The following NOS1 variants were observed in gnomAD, a reference collection of about 807,000 sequenced individuals.
The protein encoded by NOS1 is NOS type I.
In NOS1, 51 loss-of-function variants were observed where a neutral mutation model predicts 164.5. The ratio of observed to expected loss-of-function variants is 0.31; its 90% CI spans 0.25 to 0.39. NOS1 has a LOEUF of 0.39. Among genes scored for constraint, NOS1 ranks in the 10% least tolerant of loss-of-function variants. The pLI is 1.00. For missense variants in NOS1, 1,362 were observed against 1,885.6 expected (o/e 0.72, Z 5.14); for synonymous variants, 719 against 745.8 (o/e 0.96, Z 0.59).
intron 21 of NOS1, among the ~76,000 whole-genome samples, chr12:117,233,235 G>A (rs1282012523): frequency 1.3e-5 from 2 of 151,638 alleles, no homozygotes; most frequent in Non-Finnish European, 2.9e-5. Flanking sequence ...TTTTAGTAGA[G>A]ATGGCATTTC....
intron 7 of NOS1, among the ~76,000 whole-genome samples, chr12:117,283,274 C>A (rs1165977811): frequency 6.6e-6 from 1 of 152,048 alleles, no homozygotes; most frequent in African/African-American, 2.4e-5. Context: ...ATTGCCCAGG[C>A]TGGTCTCAAA....
At chr12:117,325,978 G>A (rs559909202) in intron 2 of NOS1, among the ~76,000 whole-genome samples, 23 of 152,312 alleles carry the variant, frequency 1.5e-4, no homozygotes, top group South Asian at 6.2e-4. Context: ...TATGAAGTGC[G>A]AGTAGCACTT....
chr12:117,257,961 C>T (rs552928752), intron 16 of NOS1, among the ~76,000 whole-genome samples: 29 of 152,106 alleles, frequency 1.9e-4, no homozygotes, highest in African/African-American at 5.3e-4. Flanking sequence ...TGCGCCACCA[C>T]GCCCGCCTAA....
intron 9 of NOS1, among the ~76,000 whole-genome samples, chr12:117,274,769 C>CAAAAAAAAA (rs71099039): frequency 1.3e-5 from 1 of 76,990 alleles, no homozygotes; most frequent in African/African-American, 5.6e-5. Flanking sequence ...CTCCGTCTCA[C>CAAAAAAAAA]AAAAAAAAAA....
At chr12:117,308,402 G>A (rs775442628) in intron 3 of NOS1, among the ~76,000 whole-genome samples, 22 of 151,998 alleles carry the variant, frequency 1.4e-4, no homozygotes, top group Non-Finnish European at 2.2e-4. Context: ...CTAGTTACTC[G>A]GGATGCTGCA....
chr12:117,240,441 T>C (rs1870072275), intron 20 of NOS1, among the ~76,000 whole-genome samples: 1 of 152,210 alleles, frequency 6.6e-6, no homozygotes, highest in Non-Finnish European at 1.5e-5. Flanking sequence ...TGGGACTCTA[T>C]GATATGCTAG....
intron 17 of NOS1, among the ~76,000 whole-genome samples, chr12:117,251,927 T>C (rs540940412): frequency 1.4e-5 from 2 of 145,424 alleles, no homozygotes; most frequent in African/African-American, 5.1e-5. Flanking sequence ...GAAACAGGGT[T>C]TTGCTATGTT....
chr12:117,294,460 C>A (rs566891641), intron 3 of NOS1, among the ~76,000 whole-genome samples: 1 of 152,170 alleles, frequency 6.6e-6, no homozygotes, highest in Non-Finnish European at 1.5e-5. Flanking sequence ...TGCCACCCTC[C>A]GCCCTGGGTT....
intron 1 of NOS1, among the ~76,000 whole-genome samples, chr12:117,359,297 G>A (rs928259752): frequency 6.6e-6 from 1 of 152,230 alleles, no homozygotes; most frequent in Non-Finnish European, 1.5e-5. Flanking sequence ...GGCGGAGAAT[G>A]GACGCGACCC....
At chr12:117,258,817 C>T (rs1871664772) in intron 15 of NOS1, among the ~76,000 whole-genome samples, 1 of 152,314 alleles carries the variant, frequency 6.6e-6, no homozygotes, top group Admixed American at 6.5e-5. Flanking sequence ...ATATTTTCAC[C>T]AGGGACTTGC....
chr12:117,259,176 G>A (rs771456559), intron 14 of NOS1, 46 bp from the exon 15 acceptor site: 1 of 1,307,692 alleles, frequency 7.6e-7, no homozygotes, highest in Non-Finnish European at 1.1e-6. Context: ...GGAAGAAGGG[G>A]ATGAGGAGAG....
intron 27 of NOS1, among the ~76,000 whole-genome samples, chr12:117,219,728 G>A (rs1956670857): frequency 6.6e-6 from 1 of 152,214 alleles, no homozygotes; most frequent in African/African-American, 2.4e-5. Context: ...ATCTCTTTGT[G>A]CAGTGCCCAA....
intron 10 of NOS1, among the ~76,000 whole-genome samples, chr12:117,270,432 C>G (rs1006244045): frequency 4.6e-5 from 7 of 151,962 alleles, no homozygotes; most frequent in Non-Finnish European, 2.9e-5. Context: ...CTCTTTGAGG[C>G]TGAGGCATTA....
chr12:117,220,540 T>C (rs1956686747), intron 26 of NOS1, among the ~76,000 whole-genome samples: 1 of 152,074 alleles, frequency 6.6e-6, no homozygotes, highest in African/African-American at 2.4e-5. Flanking sequence ...CTGGATAGAC[T>C]GTTTCCCAGA....
intron 6 of NOS1, 24 bp downstream of exon 6, chr12:117,286,080 A>G: frequency 6.2e-7 from 1 of 1,613,158 alleles, no homozygotes; most frequent in Non-Finnish European, 8.5e-7. Flanking sequence ...AGGGCTCTTC[A>G]AGGTATCTGA....
At chr12:117,326,035 C>G (rs1875227853) in intron 2 of NOS1, among the ~76,000 whole-genome samples, 1 of 152,142 alleles carries the variant, frequency 6.6e-6, no homozygotes, top group Non-Finnish European at 1.5e-5. Context: ...GACATTTAAA[C>G]TGCTATCCAT....
In NOS1 at chr12:117,272,810, GTT is replaced by G. The variant is rs1872892222; in HGVS notation, c.1665-253_1665-252del. Among the ~76,000 whole-genome samples, 1 of 152,194 alleles carries G rather than the reference GTT, an allele frequency of 6.6e-6. No individual in the cohort carries two copies. Among genetic ancestry groups the G allele is most frequent in the South Asian group, 2.1e-4 (1 of 4,832 alleles). On this transcript the variant is annotated intron_variant, in intron 9 of 28. Coordinates refer to ENST00000317775, the MANE Select transcript of NOS1 (RefSeq NM_000620.5). This position sits in a 1 kb window ranked among gnomAD's most constrained non-coding sequence, Gnocchi z 4.3. Reference sequence around the variant, plus strand: ...CTGGAAACTACTGCCTTAGGCTGCTGTTTCTCTCTCAAACCCACCCTGAAAGT... The same window carrying G: ...CTGGAAACTACTGCCTTAGGCTGCTGTCTCTCTCAAACCCACCCTGAAAGT...
chr12:117,244,243 C>CATAT (rs1555250938), intron 18 of NOS1, among the ~76,000 whole-genome samples: 2 of 151,368 alleles, frequency 1.3e-5, no homozygotes, highest in African/African-American at 2.4e-5. Context: ...AATTGCTGTC[C>CATAT]TTATTTATTT....
Position 117,243,409 on chromosome 12 carries a change from T to C in NOS1, c.2850A>G (p.Gly950=). Residue 950 remains glycine (G), a synonymous_variant, in exon 19 of 29, where the codon GGA becomes GGG. Coordinates refer to ENST00000317775, the MANE Select transcript of NOS1 (RefSeq NM_000620.5). This position sits in a 1 kb window ranked among gnomAD's most constrained non-coding sequence, Gnocchi z 4.3. ...TGGCCTTTTCAATGTTGACATCATC[T>C]CCCACACAGAAGACATCACAGGCTG... ...FKAACDVFCV[G]DDVNIEKANN... 6.2e-7 allele frequency: 1 copy of C among 1,614,118 alleles called. No individual in the cohort carries two copies. Among genetic ancestry groups the C allele is most frequent in the Admixed American group, 1.7e-5 (1 of 60,018 alleles).
Sources: gnomAD v4.1 joint callset for allele counts (sites outside exome capture counted in the v4.1 genomes callset) on GRCh38, gnomAD v4.1.1 for gene constraint, Gnocchi (gnomAD v3.1) non-coding constraint, MANE v1.5 for transcripts, NCBI Gene and HGNC (gene_info 2026-07-23, HGNC 2026-07-21) for gene names.